The following RARB variants were observed in gnomAD, a reference collection of about 807,000 sequenced individuals.
RARB encodes the protein HBV-activated protein.
A neutral mutation model predicts 51.9 loss-of-function variants in RARB; 17 were observed. The ratio of observed to expected loss-of-function variants is 0.33; its 90% confidence interval spans 0.22 to 0.49. RARB has a LOEUF of 0.49. RARB is among the 20% of genes least tolerant of loss of function. The pLI, the probability that RARB is intolerant of heterozygous loss-of-function variation, is 0.99. For missense variants in RARB, 369 were observed against 550.8 expected (o/e 0.67, Z 3.30); for synonymous variants, 215 against 195.4 (o/e 1.10, Z -0.84).
At chr3:25,252,124 A>G (rs1702738151) in intron 5 of RARB, among the ~76,000 whole-genome samples, 1 of 152,160 alleles carries the variant, frequency 6.6e-6, no homozygotes, top group Non-Finnish European at 1.5e-5. Flanking sequence ...ATTCTTTACT[A>G]CCATTAAATT....
intron 2 of RARB, among the ~76,000 whole-genome samples, chr3:24,870,589 T>C (rs1281009864): frequency 6.6e-6 from 1 of 152,140 alleles, no homozygotes; most frequent in Non-Finnish European, 1.5e-5. Context: ...CCAGAAACTT[T>C]AGAAACTAAT....
At chr3:25,198,362 G>A (rs1053811010) in intron 5 of RARB, among the ~76,000 whole-genome samples, 1 of 151,874 alleles carries the variant, frequency 6.6e-6, no homozygotes, top group Non-Finnish European at 1.5e-5. Flanking sequence ...AATTGATCTG[G>A]GCAAAGATAT....
intron 2 of RARB, among the ~76,000 whole-genome samples, chr3:24,965,482 G>C (rs1411985473): frequency 6.6e-6 from 1 of 152,108 alleles, no homozygotes; most frequent in Non-Finnish European, 1.5e-5. Flanking sequence ...TGGAATCAGA[G>C]AACCATGGTT....
chr3:25,209,656 C>T (rs914095734), intron 5 of RARB, among the ~76,000 whole-genome samples: 1 of 152,194 alleles, frequency 6.6e-6, no homozygotes, highest in African/African-American at 2.4e-5. Flanking sequence ...CACGGTTGTG[C>T]AGAGCAGACC....
At chr3:25,288,385 T>C (rs1047639290) in intron 5 of RARB, among the ~76,000 whole-genome samples, 4 of 152,182 alleles carry the variant, frequency 2.6e-5, no homozygotes, top group Non-Finnish European at 5.9e-5. Context: ...CGCTAGACTG[T>C]AGTGAGAATT....
chr3:24,851,944 G>A (rs931539141), intron 1 of RARB, among the ~76,000 whole-genome samples: 1 of 152,136 alleles, frequency 6.6e-6, no homozygotes, highest in Non-Finnish European at 1.5e-5. Context: ...AAATATCTTG[G>A]CCATGAGTAG....
intron 1 of RARB, among the ~76,000 whole-genome samples, chr3:24,836,779 T>A (rs149698751): frequency 6.6e-6 from 1 of 152,326 alleles, no homozygotes; most frequent in East Asian, 1.9e-4. Flanking sequence ...ACCGTTTTAA[T>A]GAAGATACTT....
intron 2 of RARB, among the ~76,000 whole-genome samples, chr3:25,012,105 T>C (rs1238645796): frequency 6.6e-6 from 1 of 152,074 alleles, no homozygotes; most frequent in East Asian, 1.9e-4. Context: ...TTCATTTCAT[T>C]TCAGACATGG....
chr3:25,450,702 A>G (rs964719550), intron 1 of RARB, among the ~76,000 whole-genome samples: 1 of 152,184 alleles, frequency 6.6e-6, no homozygotes, highest in African/African-American at 2.4e-5. Context: ...TCTACCTACT[A>G]GATGCCAGGA....
intron 5 of RARB, among the ~76,000 whole-genome samples, chr3:25,356,690 A>G (rs535515042): frequency 1.1e-3 from 169 of 151,974 alleles, no homozygotes; most frequent in African/African-American, 3.9e-3. Context: ...ACAGGCCCTG[A>G]AGTATGATGT....
intron 2 of RARB, among the ~76,000 whole-genome samples, chr3:25,484,270 T>C (rs1696364193): frequency 6.6e-6 from 1 of 152,190 alleles, no homozygotes; most frequent in South Asian, 2.1e-4. Context: ...TAACATTTCT[T>C]CAAGGCTGAG....
chr3:25,107,443 T>G (rs556120348), intron 3 of RARB, among the ~76,000 whole-genome samples: 1 of 152,308 alleles, frequency 6.6e-6, no homozygotes, highest in South Asian at 2.1e-4. Context: ...GAGCTTAATA[T>G]TAACTGCTAT....
chr3:25,330,174 G>T (rs1704849232), intron 5 of RARB, among the ~76,000 whole-genome samples: 1 of 152,018 alleles, frequency 6.6e-6, no homozygotes, highest in Non-Finnish European at 1.5e-5. Context: ...ACTCCACAAA[G>T]ATACTCCCCG....
chr3:25,350,410 G>A (rs1705527246), intron 5 of RARB, among the ~76,000 whole-genome samples: 1 of 152,174 alleles, frequency 6.6e-6, no homozygotes, highest in African/African-American at 2.4e-5. Context: ...AGGGAATAGT[G>A]GCTTTGACTT....
intron 2 of RARB, among the ~76,000 whole-genome samples, chr3:24,912,424 CAA>C (rs1050182053): frequency 4.3e-5 from 6 of 140,092 alleles, no homozygotes; most frequent in Non-Finnish European, 9.0e-5. Flanking sequence ...AGTAAAATCT[CAA>C]TAAGTGGTCA....
At chr3:25,153,418 T>G (rs1246252590) in intron 4 of RARB, among the ~76,000 whole-genome samples, 6 of 152,164 alleles carry the variant, frequency 3.9e-5, no homozygotes, top group Non-Finnish European at 8.8e-5. Flanking sequence ...ATAATTTCTT[T>G]ATCGAGTTAC....
intron 5 of RARB, among the ~76,000 whole-genome samples, chr3:25,235,942 C>T (rs1214201306): frequency 2.6e-5 from 4 of 152,126 alleles, no homozygotes; most frequent in Non-Finnish European, 5.9e-5. Context: ...TTTAAATCAA[C>T]TCTAGGATTG....
At chr3:24,914,815 C>T (rs567646098) in intron 2 of RARB, among the ~76,000 whole-genome samples, 14 of 152,180 alleles carry the variant, frequency 9.2e-5, no homozygotes, top group South Asian at 8.3e-4. Context: ...GAGGGTCCAC[C>T]GTACAATGCC....
chr3:25,162,525 C>G (rs1311492027), intron 4 of RARB, among the ~76,000 whole-genome samples: 3 of 152,174 alleles, frequency 2.0e-5, no homozygotes, highest in Admixed American at 6.5e-5. Context: ...AATCTAATTG[C>G]AGAATATTTT....
Sources: gnomAD v4.1 joint callset for allele counts (sites outside exome capture counted in the v4.1 genomes callset) on GRCh38, gnomAD v4.1.1 for gene constraint, MANE v1.5 for transcripts, NCBI Gene and HGNC (gene_info 2026-07-23, HGNC 2026-07-21) for gene names.